The following TPH2 variants were observed in gnomAD, a reference collection of about 807,000 sequenced individuals.
TPH2 encodes tryptophan hydroxylase 2.
In TPH2, 27 loss-of-function variants were observed where a neutral mutation model predicts 59.1. That is an observed-to-expected ratio of 0.46 (90% confidence interval 0.34 to 0.63). The LOEUF (loss-of-function observed/expected upper bound fraction) is 0.63. Among genes scored for constraint, TPH2 ranks in the 30% least tolerant of loss-of-function variants. TPH2 has a pLI of 0.01. For missense variants in TPH2, 523 were observed against 588.3 expected, an observed-to-expected ratio of 0.89 and a Z score of 1.15; for synonymous variants, 220 against 210.5, an observed-to-expected ratio of 1.05 and a Z score of -0.39.
chr12:71,945,968 G>A (rs1180755248), intron 4 of TPH2, among the ~76,000 whole-genome samples: 2 of 152,100 alleles, frequency 1.3e-5, no homozygotes, highest in African/African-American at 4.8e-5. Flanking sequence ...AATAGCTTTA[G>A]TAATCACCCA....
intron 8 of TPH2, among the ~76,000 whole-genome samples, chr12:71,999,833 T>C (rs1337761795): frequency 6.6e-6 from 1 of 152,214 alleles, no homozygotes; most frequent in Non-Finnish European, 1.5e-5. Flanking sequence ...TATCTAAAAT[T>C]AAATTCTACC....
Position 71,944,487 on chromosome 12 carries a change from G to A in TPH2, c.439+10G>A. On this transcript the variant is annotated intron_variant, in intron 3 of 10. Coordinates refer to ENST00000333850, the MANE Select transcript of TPH2 (RefSeq NM_173353.4). ...TGGACAGAGGAAGAAGGCAAGGGTG[G>A]TCTTAGCTTGTCGGGTAACTTTGCA... The A allele has an allele frequency of 6.2e-7, 1 of 1,613,946 alleles. No homozygotes were observed. Among genetic ancestry groups the A allele is most frequent in the Non-Finnish European group, 8.5e-7 (1 of 1,179,854 alleles).
chr12:72,023,342 G>A (rs927624226), intron 9 of TPH2, among the ~76,000 whole-genome samples: 10 of 152,160 alleles, frequency 6.6e-5, no homozygotes, highest in African/African-American at 2.4e-4. Flanking sequence ...TAAATGGGAA[G>A]TATATAGTTA....
chr12:71,947,214 C>T (rs775951549), intron 4 of TPH2, among the ~76,000 whole-genome samples: 1 of 152,062 alleles, frequency 6.6e-6, no homozygotes, highest in African/African-American at 2.4e-5. Context: ...ATTCACATCA[C>T]ATGTGGAGAA....
At chr12:72,011,560 T>C (rs1873099155) in intron 8 of TPH2, among the ~76,000 whole-genome samples, 1 of 152,236 alleles carries the variant, frequency 6.6e-6, no homozygotes, top group African/African-American at 2.4e-5. Flanking sequence ...AGCTTGGATC[T>C]GTTACAAACT....
chr12:71,992,746 G>T (rs940585626), intron 7 of TPH2, among the ~76,000 whole-genome samples: 3 of 152,092 alleles, frequency 2.0e-5, no homozygotes, highest in Non-Finnish European at 4.4e-5. Flanking sequence ...TATAAAACAC[G>T]TAAGGAAAGA....
At chr12:71,985,254 C>T (rs1872398174) in intron 7 of TPH2, among the ~76,000 whole-genome samples, 1 of 152,176 alleles carries the variant, frequency 6.6e-6, no homozygotes, top group Non-Finnish European at 1.5e-5. Flanking sequence ...GCACCTGTGG[C>T]CTTAGCCACT....
intron 5 of TPH2, among the ~76,000 whole-genome samples, chr12:71,952,724 T>C (rs1024527689): frequency 1.3e-5 from 2 of 152,144 alleles, no homozygotes; most frequent in African/African-American, 4.8e-5. Flanking sequence ...ACTCCTCTCC[T>C]CCAAGCCAGA....
At chr12:72,021,356 AGTGTGTGT>A (rs57532900) in intron 8 of TPH2, among the ~76,000 whole-genome samples, 2,168 of 143,352 alleles carry the variant, frequency 0.015, 42 homozygotes, top group African/African-American at 0.036. Flanking sequence ...GGGCCAATAA[AGTGTGTGT>A]GTGTGTGTGT....
intron 6 of TPH2, among the ~76,000 whole-genome samples, chr12:71,975,177 T>C (rs1224306856): frequency 6.6e-6 from 1 of 152,012 alleles, no homozygotes; most frequent in Non-Finnish European, 1.5e-5. Context: ...TGAAACCCTG[T>C]CTACTGAAAA....
chr12:71,976,442 G>A lies in TPH2; in HGVS notation c.806-2510G>A, dbSNP rs1012481652. On this transcript the variant is annotated intron_variant, in intron 6 of 10. Transcript: ENST00000333850. ...TTTATTTAAAACAGAAACTTTTAAAGCAATGGTATCTACAGATTCAAAGTT... is the reference window on the plus strand; with the variant it reads ...TTTATTTAAAACAGAAACTTTTAAAACAATGGTATCTACAGATTCAAAGTT... Among the ~76,000 whole-genome samples the A allele has an allele frequency of 9.9e-5, 15 of 152,154 alleles. No homozygotes were observed. In the South Asian group the frequency reaches 2.7e-3, roughly 27 times the overall value.
At chr12:71,999,459 G>A (rs547873415) in intron 8 of TPH2, among the ~76,000 whole-genome samples, 2 of 152,280 alleles carry the variant, frequency 1.3e-5, no homozygotes, top group South Asian at 2.1e-4. Flanking sequence ...ATAGCTGTCC[G>A]AGGTCTGTGT....
intron 8 of TPH2, among the ~76,000 whole-genome samples, chr12:72,005,805 T>C (rs934125216): frequency 2.6e-5 from 4 of 152,200 alleles, no homozygotes; most frequent in African/African-American, 7.2e-5. Context: ...CACTTTTTAA[T>C]TAAAGAATTG....
intron 8 of TPH2, among the ~76,000 whole-genome samples, chr12:72,011,486 T>C (rs1873097624): frequency 6.6e-6 from 1 of 152,190 alleles, no homozygotes; most frequent in Non-Finnish European, 1.5e-5. Flanking sequence ...GTCTGGGCAG[T>C]GATGCTGATA....
chr12:71,977,150 C>T (rs921334428), intron 6 of TPH2, among the ~76,000 whole-genome samples: 3 of 152,192 alleles, frequency 2.0e-5, no homozygotes, highest in East Asian at 1.9e-4. Flanking sequence ...CTCCTAGGCT[C>T]AAGCGATTCT....
At position 71,939,103 on chromosome 12, in the gene TPH2, G is replaced by C. The variant is rs1592855370; in HGVS notation, c.105+12G>C. 1 of 1,597,338 alleles carries C rather than the reference G, an allele frequency of 6.3e-7. No homozygotes were observed. Among genetic ancestry groups the C allele is most frequent in the Non-Finnish European group, 8.6e-7 (1 of 1,165,318 alleles). On this transcript the variant is annotated intron_variant, in intron 1 of 10. Coordinates refer to ENST00000333850, the MANE Select transcript of TPH2 (RefSeq NM_173353.4). ...TTGGCAGCTCAACAGTGAGTACTAC[G>C]TACCTGGCACTATGGAGAATTATTT...
At chr12:71,960,255 T>C (rs1290225769) in intron 5 of TPH2, among the ~76,000 whole-genome samples, 1 of 152,228 alleles carries the variant, frequency 6.6e-6, no homozygotes, top group African/African-American at 2.4e-5. Flanking sequence ...TTCAAATATC[T>C]TTCTCTGCCC....
Position 72,022,450 on chromosome 12 carries a change from C to T in TPH2, c.1120C>T (p.Arg374Trp), listed in dbSNP as rs762044026. ...FGLCKQEGQL[R>W]AYGAGLLSSI... ...CCTTTGCAAGCAAGAAGGGCAACTG[C>T]GGGCATATGGAGCAGGACTCCTTTC... Residue 374 changes from arginine to tryptophan, a missense_variant, in exon 9 of 11, where the codon CGG (arginine) becomes TGG (tryptophan). Coordinates refer to ENST00000333850, the MANE Select transcript of TPH2 (RefSeq NM_173353.4). 3.1e-6 allele frequency: 5 copies of T among 1,613,818 alleles called. No individual in the cohort carries two copies. Among genetic ancestry groups the T allele is most frequent in the Admixed American group, 1.7e-5 (1 of 59,992 alleles).
intron 4 of TPH2, among the ~76,000 whole-genome samples, chr12:71,945,986 C>T (rs1174361876): frequency 6.6e-6 from 1 of 152,162 alleles, no homozygotes. Context: ...CCATTGTTAT[C>T]TTTCCCCTCT....
Sources: gnomAD v4.1 joint callset for allele counts (sites outside exome capture counted in the v4.1 genomes callset) on GRCh38, gnomAD v4.1.1 for gene constraint, MANE v1.5 for transcripts, NCBI Gene and HGNC (gene_info 2026-07-23, HGNC 2026-07-21) for gene names.